TCP11L2: variants seen among roughly 807,000 people sequenced by gnomAD.
TCP11L2 encodes T-complex protein 11-like protein 2.
TCP11L2 carries 39 observed loss-of-function variants against 50.7 expected under a neutral mutation model. The observed-to-expected ratio is 0.77, with a 90% CI of 0.60 to 1.01. The LOEUF (loss-of-function observed/expected upper bound fraction) is 1.01, where lower values mean the gene tolerates loss of function less well. Ranked by LOEUF, TCP11L2 falls within the 50% of genes least tolerant of loss-of-function variation. The probability of loss-of-function intolerance (pLI) is 0.00; values close to 1 mark genes in which losing one functional copy is unlikely to be tolerated. For missense variants in TCP11L2, 612 were observed against 614.7 expected, an observed-to-expected ratio of 1.00 and a Z score of 0.05; for synonymous variants, 192 against 219.3, an observed-to-expected ratio of 0.88 and a Z score of 1.10.
At chr12:106,301,017 G>A (rs1248017066), upstream of TCP11L2, among the ~76,000 whole-genome samples, 1 of 152,200 alleles carries the variant, frequency 6.6e-6, no homozygotes, top group African/African-American at 2.4e-5. Context: ...AGAATTACCA[G>A]AAGTTTGGGG....
At chr12:106,334,855 C>T (rs1394463338) in intron 6 of TCP11L2, among the ~76,000 whole-genome samples, 2 of 151,992 alleles carry the variant, frequency 1.3e-5, no homozygotes, top group African/African-American at 4.8e-5. Context: ...GCAGGAGAAT[C>T]GCTTGAACAT....
chr12:106,305,522 T>C (rs943122612), intron 1 of TCP11L2, among the ~76,000 whole-genome samples: 6 of 152,136 alleles, frequency 3.9e-5, no homozygotes, highest in Non-Finnish European at 8.8e-5. Context: ...AGTGTAGTAC[T>C]GTAAGTGACT....
chr12:106,335,856 C>T, intron 7 of TCP11L2, 30 bp downstream of exon 7: 1 of 1,601,208 alleles, frequency 6.2e-7, no homozygotes, highest in Non-Finnish European at 8.5e-7. Flanking sequence ...ACCCAAATTT[C>T]CCAGTATTTT....
chr12:106,332,137 T>C (rs1004141713), intron 6 of TCP11L2, among the ~76,000 whole-genome samples: 4 of 152,224 alleles, frequency 2.6e-5, no homozygotes, highest in Non-Finnish European at 5.9e-5. Context: ...CCATTTGCTA[T>C]ACTTTAAGGA....
chr12:106,346,465 C>G lies in TCP11L2; in HGVS notation c.1495C>G (p.Leu499Val). 6.2e-7 allele frequency: 1 copy of G among 1,614,126 alleles called. No individual in the cohort carries two copies. The highest frequency in any genetic ancestry group is 8.5e-7 in the Non-Finnish European group (1 of 1,180,004). ...GTATGGACCATTTTATGCAAATATA[C>G]TTCGAAAGCTGCTCTTCAATGAGGA... ...QVYGPFYANILRKLLFNEEAM... is the reference protein window; with the variant it reads ...QVYGPFYANIVRKLLFNEEAM... Residue 499 changes from leucine to valine, a missense_variant, in exon 10 of 10, where the codon CTT becomes GTT. By Grantham distance (32) the Leu-to-Val change is conservative (BLOSUM62 1). Transcript: ENST00000299045.
rs766398957 is a variant in TCP11L2, at chr12:106,336,037, T to G, written c.966T>G (p.Leu322=). The G allele has an allele frequency of 1.2e-6, 2 of 1,608,828 alleles. No individual in the cohort carries two copies. Among genetic ancestry groups the G allele is most frequent in the South Asian group, 2.2e-5 (2 of 90,050 alleles). ...ATTTTAAATAAATATGTTAGACACT[T>G]ATGACAGATGGAGCACGTCTTCAGG... ...DYQKKELPET[L]MTDGARLQEL... is the part of the protein sequence containing the mutation. Residue 322 remains leucine, a synonymous_variant, in exon 8 of 10, where the codon CTT becomes CTG. Transcript: ENST00000299045.
At chr12:106,305,284 T>C (rs1441690792) in intron 1 of TCP11L2, among the ~76,000 whole-genome samples, 1 of 151,730 alleles carries the variant, frequency 6.6e-6, no homozygotes, top group Non-Finnish European at 1.5e-5. Context: ...CATAGAACAG[T>C]TATTGAGTGC....
At chr12:106,323,759 A>C in intron 6 of TCP11L2, 113 bp downstream of exon 6, 1 of 449,792 alleles carries the variant, frequency 2.2e-6, no homozygotes, top group Non-Finnish European at 3.4e-6. Context: ...AATAAATAAA[A>C]TTTAATTTAA....
In TCP11L2 at chr12:106,336,082, T is replaced by A; in HGVS notation, c.1011T>A (p.Asn337Lys). The A allele has an allele frequency of 6.2e-7, 1 of 1,614,082 alleles. No homozygotes were observed. Among genetic ancestry groups the A allele is most frequent in the African/African-American group, 1.3e-5 (1 of 75,052 alleles). The change falls in exon 8 of 10, where the codon AAT (asparagine) becomes AAA (lysine). Residue 337 changes from asparagine (N) to lysine (K), a missense_variant. Coordinates refer to ENST00000299045, the MANE Select transcript of TCP11L2 (RefSeq NM_152772.3). ...TTCAGGAACTAACAGAAAAGCTGAA[T>A]CAATTGAAAATTATTGCCTGCCTGT... Reference protein sequence around the residue: ...ARLQELTEKLNQLKIIACLSL... With the variant: ...ARLQELTEKLKQLKIIACLSL...
intron 4 of TCP11L2, 24 bp downstream of exon 4, chr12:106,318,488 C>A: frequency 6.2e-7 from 1 of 1,611,092 alleles, no homozygotes; most frequent in South Asian, 1.1e-5. Flanking sequence ...TTGTCTGTGT[C>A]AGTTAGCGTC....
chr12:106,321,626 G>A lies in TCP11L2; in HGVS notation c.555G>A (p.Thr185=). The change falls in exon 5 of 10, where the codon ACG becomes ACA. Residue 185 remains threonine, a synonymous_variant. Transcript: ENST00000299045. ...GCCTGGCCAACTATGTCATCAGTAC[G>A]ATGGGAAAGCTGTGTGCTCCCGTGC... ...IQGLANYVIS[T]MGKLCAPVRD... The A allele has an allele frequency of 5.0e-6, 8 of 1,614,212 alleles. No homozygotes were observed. Among genetic ancestry groups the A allele is most frequent in the South Asian group, 2.2e-5 (2 of 91,088 alleles).
intron 9 of TCP11L2, among the ~76,000 whole-genome samples, chr12:106,345,952 G>T (rs2036217008): frequency 6.6e-6 from 1 of 152,150 alleles, no homozygotes; most frequent in Admixed American, 6.5e-5. Flanking sequence ...AGCAAGCCCA[G>T]GCCTATTCTC....
chr12:106,300,315 T>C (rs187425685), upstream of TCP11L2, among the ~76,000 whole-genome samples: 8 of 152,242 alleles, frequency 5.3e-5, no homozygotes, highest in Non-Finnish European at 7.4e-5. Context: ...CACTCCATTT[T>C]TTCAAAGTGT....
At chr12:106,319,410 A>G (rs1048757548) in intron 4 of TCP11L2, among the ~76,000 whole-genome samples, 11 of 152,170 alleles carry the variant, frequency 7.2e-5, no homozygotes, top group African/African-American at 2.4e-4. Flanking sequence ...GTTCTTTAGT[A>G]TTGGCCACTC....
chr12:106,301,407 T>C (rs1408500440), upstream of TCP11L2, among the ~76,000 whole-genome samples: 1 of 152,198 alleles, frequency 6.6e-6, no homozygotes, highest in Non-Finnish European at 1.5e-5. Flanking sequence ...TTTCACTTTA[T>C]CCTCAAAATA....
chr12:106,311,513 A>G (rs572800465), intron 2 of TCP11L2, among the ~76,000 whole-genome samples: 3 of 152,370 alleles, frequency 2.0e-5, no homozygotes, highest in South Asian at 2.1e-4. Context: ...CCCAAACAGC[A>G]GAAAGCCATT....
intron 4 of TCP11L2, 119 bp downstream of exon 4, chr12:106,318,583 G>C (rs920009998): frequency 7.8e-7 from 1 of 1,281,932 alleles, no homozygotes; most frequent in Non-Finnish European, 1.0e-6. Flanking sequence ...AGTACTGGAG[G>C]CTGGGAAGTC....
At chr12:106,324,114 T>C (rs1221279884) in intron 6 of TCP11L2, 1 of 152,196 alleles carries the variant, frequency 6.6e-6, no homozygotes, top group East Asian at 1.9e-4. Context: ...AAACATATAT[T>C]GTCAGGTGTA....
rs749449008 is a variant in TCP11L2, at chr12:106,323,736, A to C, written c.772+90A>C. The C allele has an allele frequency of 2.3e-5, 11 of 472,192 alleles. No homozygotes were observed. The African/African-American group carries it at 2.8e-4, about 12-fold the overall frequency. 29.3% of individuals were successfully genotyped at this position (472,192 alleles called of 1,614,324 possible). Reference sequence around the variant, plus strand: ...ATTTAAATTAAATTAAATTAAATTAAATTAAATTAATAAATAAATAAAATT... The same window carrying C: ...ATTTAAATTAAATTAAATTAAATTACATTAAATTAATAAATAAATAAAATT... On this transcript the variant is annotated intron_variant, in intron 6 of 9. Coordinates refer to ENST00000299045, the MANE Select transcript of TCP11L2 (RefSeq NM_152772.3).
Sources: gnomAD v4.1 joint callset for allele counts (sites outside exome capture counted in the v4.1 genomes callset) on GRCh38, gnomAD v4.1.1 for gene constraint, MANE v1.5 for transcripts, NCBI Gene and HGNC (gene_info 2026-07-23, HGNC 2026-07-21) for gene names.